CAST: variants seen among roughly 807,000 people sequenced by gnomAD.
CAST encodes the protein calpastatin, also known as MIR583 host.
Under a neutral mutation model 119.6 loss-of-function variants are expected in CAST, and 76 were observed. The observed-to-expected ratio is 0.64, with a 90% CI of 0.53 to 0.77. The LOEUF is 0.77. Among genes scored for constraint, CAST ranks in the 30% least tolerant of loss-of-function variants. CAST has a pLI of 0.00. For synonymous variants in CAST, 319 were observed against 331.6 expected (o/e 0.96, Z 0.41); for missense variants, 953 against 946.5 (o/e 1.01, Z -0.09).
chr5:96,199,662 C>CT, the CAST span, among the ~76,000 whole-genome samples: 1 of 151,984 alleles, frequency 6.6e-6, no homozygotes, highest in African/African-American at 2.4e-5. Flanking sequence ...ATTAGGATGA[C>CT]TTTGAATATT....
chr5:96,261,779 T>C, the CAST span, among the ~76,000 whole-genome samples: 1 of 152,230 alleles, frequency 6.6e-6, no homozygotes, highest in Admixed American at 6.5e-5. Flanking sequence ...TACTTTTAGT[T>C]AATTTAAATT....
chr5:96,356,026 A>G, the CAST span, among the ~76,000 whole-genome samples: 1 of 152,116 alleles, frequency 6.6e-6, no homozygotes, highest in Non-Finnish European at 1.5e-5. Flanking sequence ...AATGATCGCC[A>G]TTCTAACTGG....
At chr5:96,547,238 C>T (rs1436878296) in intron 1 of CAST, among the ~76,000 whole-genome samples, 5 of 152,006 alleles carry the variant, frequency 3.3e-5, no homozygotes, top group Admixed American at 2.6e-4. Flanking sequence ...CCATAATATG[C>T]CATACGCAAG....
the CAST span, among the ~76,000 whole-genome samples, chr5:96,363,497 C>T: frequency 6.6e-6 from 1 of 152,144 alleles, no homozygotes; most frequent in East Asian, 1.9e-4. Context: ...TGTTTGTGTC[C>T]TCTTTTATGT....
At chr5:96,748,126 G>A (rs1764170253) in intron 18 of CAST, among the ~76,000 whole-genome samples, 3 of 152,144 alleles carry the variant, frequency 2.0e-5, no homozygotes, top group Admixed American at 6.5e-5. Context: ...TAGAAACGGA[G>A]TATATCATCC....
At chr5:96,365,424 T>C in the CAST span, among the ~76,000 whole-genome samples, 1 of 152,206 alleles carries the variant, frequency 6.6e-6, no homozygotes, top group Non-Finnish European at 1.5e-5. Flanking sequence ...GACAGTGGCA[T>C]GTTAAAGTCT....
At chr5:96,171,646 G>A in the CAST span, among the ~76,000 whole-genome samples, 1 of 152,232 alleles carries the variant, frequency 6.6e-6, no homozygotes, top group Non-Finnish European at 1.5e-5. Context: ...TGGGTCCATG[G>A]ATAAAATGTG....
chr5:96,555,132 G>T (rs892953036), intron 1 of CAST, among the ~76,000 whole-genome samples: 9 of 152,210 alleles, frequency 5.9e-5, no homozygotes, highest in Non-Finnish European at 1.2e-4. Context: ...ATTCACAATA[G>T]CAAAGACTTG....
At chr5:96,160,290 G>T in the CAST span, among the ~76,000 whole-genome samples, 1 of 151,920 alleles carries the variant, frequency 6.6e-6, no homozygotes, top group Non-Finnish European at 1.5e-5. Flanking sequence ...TCAGCCCCTG[G>T]TAGCCACCAG....
chr5:96,008,065 A>C, the CAST span, among the ~76,000 whole-genome samples: 1 of 152,162 alleles, frequency 6.6e-6, no homozygotes, highest in African/African-American at 2.4e-5. Flanking sequence ...AAACTGAATC[A>C]GCTGGCATCT....
At chr5:96,187,596 T>G in the CAST span, among the ~76,000 whole-genome samples, 1 of 152,212 alleles carries the variant, frequency 6.6e-6, no homozygotes, top group Non-Finnish European at 1.5e-5. Context: ...TTAATTTCAT[T>G]GTTTACCCAA....
At chr5:96,615,828 G>C (rs1441933414) in intron 1 of CAST, among the ~76,000 whole-genome samples, 5 of 152,036 alleles carry the variant, frequency 3.3e-5, no homozygotes, top group Non-Finnish European at 7.4e-5. Context: ...GAACTAATAG[G>C]GTAAATATAT....
At chr5:96,000,770 T>A in the CAST span, among the ~76,000 whole-genome samples, 44 of 152,208 alleles carry the variant, frequency 2.9e-4, no homozygotes, top group Non-Finnish European at 4.7e-4. Context: ...CATACTAGTT[T>A]GACATCATCT....
At chr5:96,437,710 GAATCTGCA>G in the CAST span, among the ~76,000 whole-genome samples, 1 of 152,134 alleles carries the variant, frequency 6.6e-6, no homozygotes, top group African/African-American at 2.4e-5. Context: ...TACTGAATCA[GAATCTGCA>G]TTGTTAATGA....
chr5:96,771,555 C>T, intron 30 of CAST, 89 bp from the exon 31 acceptor site: 1 of 898,156 alleles, frequency 1.1e-6, no homozygotes, highest in South Asian at 1.7e-5. Context: ...CACTGACTGC[C>T]ATCTTTTGTC....
chr5:96,550,732 G>A (rs1030024240), intron 1 of CAST, among the ~76,000 whole-genome samples: 6 of 152,144 alleles, frequency 3.9e-5, no homozygotes, highest in Non-Finnish European at 8.8e-5. Context: ...ATGACCTGAT[G>A]GAGCTGAAAA....
the CAST span, among the ~76,000 whole-genome samples, chr5:96,120,289 C>T: frequency 6.6e-6 from 1 of 152,064 alleles, no homozygotes; most frequent in Non-Finnish European, 1.5e-5. Flanking sequence ...GGCATGTGAC[C>T]TAAGCTTGGA....
chr5:96,312,461 A>T, the CAST span, among the ~76,000 whole-genome samples: 1 of 151,922 alleles, frequency 6.6e-6, no homozygotes, highest in Admixed American at 6.6e-5. Context: ...TGAAAGAAGC[A>T]CTCCCCTGTC....
chr5:96,408,004 C>T, the CAST span, among the ~76,000 whole-genome samples: 81,802 of 151,934 alleles, frequency 0.54, 23,966 homozygotes, highest in Non-Finnish European at 0.65. Context: ...TACAAAATAA[C>T]GTCTATATTA....
Sources: allele counts gnomAD v4.1 joint callset (sites outside exome capture counted in the v4.1 genomes callset), GRCh38; gene constraint gnomAD v4.1.1; transcripts MANE v1.5; gene names NCBI Gene and HGNC (gene_info 2026-07-23, HGNC 2026-07-21).